GALC: variants seen among roughly 807,000 people sequenced by gnomAD.
GALC encodes the protein galactosylceramidase, also known as galactocerebrosidase.
GALC carries 77 observed loss-of-function variants against 91.8 expected under a neutral mutation model. The observed-to-expected ratio is 0.84, with a 90% CI of 0.70 to 1.01. The LOEUF (loss-of-function observed/expected upper bound fraction) is 1.01, where lower values mean the gene tolerates loss of function less well. Ranked by LOEUF, GALC falls within the 50% of genes least tolerant of loss-of-function variation. The pLI, the probability that GALC is intolerant of heterozygous loss-of-function variation, is 0.00. For missense variants in GALC, 882 were observed against 855.9 expected, an observed-to-expected ratio of 1.03 and a Z score of -0.38; for synonymous variants, 357 against 306.7, an observed-to-expected ratio of 1.16 and a Z score of -1.71.
At chr14:87,957,992 A>G (rs764929598) in intron 10 of GALC, among the ~76,000 whole-genome samples, 8 of 152,196 alleles carry the variant, frequency 5.3e-5, no homozygotes, top group Non-Finnish European at 8.8e-5. Context: ...CATCTTTCAC[A>G]GAATTAGAAA....
At chr14:87,968,543 A>ATATACTCAACAAATC in intron 7 of GALC, 53 bp from the exon 8 acceptor site, 1 of 1,525,542 alleles carries the variant, frequency 6.6e-7, no homozygotes, top group Non-Finnish European at 9.1e-7. Flanking sequence ...CGTGGCACTT[A>ATATACTCAACAAATC]TATACGTATA....
chr14:87,948,967 G>T (rs1885193333), intron 12 of GALC, among the ~76,000 whole-genome samples: 1 of 152,046 alleles, frequency 6.6e-6, no homozygotes, highest in Admixed American at 6.6e-5. Flanking sequence ...AAGCACCATG[G>T]ATGAGGCACT....
intron 16 of GALC, among the ~76,000 whole-genome samples, chr14:87,937,749 T>A (rs1431414177): frequency 6.6e-6 from 1 of 151,408 alleles, no homozygotes; most frequent in Non-Finnish European, 1.5e-5. Flanking sequence ...CTGAAAAAAA[T>A]TAAGAAAATT....
At chr14:87,952,573 T>C in intron 10 of GALC, 1 of 1,123,250 alleles carries the variant, frequency 8.9e-7, no homozygotes, top group Non-Finnish European at 1.3e-6. Flanking sequence ...ACAGTTTCTT[T>C]AATGTCCGTT....
rs1372976794 is a variant in GALC at position 87,934,140 on chromosome 14, G to T, written c.*592C>A. 3.5e-6 allele frequency: 5 copies of T among 1,425,776 alleles called. No homozygotes were observed. In the East Asian group the frequency reaches 1.0e-4, roughly 29 times the overall value. 88.3% of individuals were successfully genotyped at this position (1,425,776 alleles called of 1,614,324 possible). A position where few individuals can be genotyped will look rare whatever the true frequency, so the allele number is the denominator to read the frequency against. On this transcript the variant is annotated 3_prime_UTR_variant, in exon 17 of 17. Coordinates refer to ENST00000261304, the MANE Select transcript of GALC (RefSeq NM_000153.4). The stretch of plus-strand genomic sequence containing the variant: ...GTGTTAGAGGTAGTTTATTAAAGAG[G>T]CATTTTTAAAATCATCCCACTCATC...
chr14:87,949,868 A>G lies in GALC; in HGVS notation c.1315T>C (p.Phe439Leu), dbSNP rs1300150469. 1 of 1,591,354 alleles carries G rather than the reference A, an allele frequency of 6.3e-7. No individual in the cohort carries two copies. Among genetic ancestry groups the G allele is most frequent in the Admixed American group, 1.7e-5 (1 of 59,862 alleles). ...ACCCATAGAGAATCCAGCTGCTTAA[A>G]AAGAAATCTTTCGGATGTTTTTCCA... ...KLGKTSERFL[F>L]KQLDSLWLLD... The change falls in exon 12 of 17, where the codon TTT becomes CTT. Residue 439 changes from phenylalanine (F) to leucine (L), a missense_variant. Phe to Leu is a conservative substitution (Grantham distance 22). Transcript: ENST00000261304.
rs554816250 is a variant in GALC, at chr14:87,978,062, TTTTC to T, written c.622-1578_622-1575del. 4.2e-4 allele frequency among the ~76,000 whole-genome samples: 64 copies of T among 152,296 alleles called. 2 individuals are homozygous for T. Among genetic ancestry groups the T allele is most frequent in the African/African-American group, 1.3e-3 (55 of 41,584 alleles). ...AATTTCATCACCCTGAAGTTCTTCC[TTTTC>T]TTTGAGACGGAGTTTCGCTCTTGTT... On this transcript the variant is annotated intron_variant, in intron 6 of 16. Transcript: ENST00000261304.
At chr14:87,952,578 T>A in intron 10 of GALC, 1 of 1,173,506 alleles carries the variant, frequency 8.5e-7, no homozygotes. Context: ...TTCTTTAATG[T>A]CCGTTGCTGA....
upstream of GALC, chr14:87,993,458 A>T: frequency 6.5e-7 from 1 of 1,535,828 alleles, no homozygotes; most frequent in Non-Finnish European, 8.7e-7. Flanking sequence ...CCGCCAAAGG[A>T]AGAGGGCCAT....
intron 6 of GALC, among the ~76,000 whole-genome samples, chr14:87,980,114 G>A (rs922054187): frequency 3.3e-5 from 5 of 152,174 alleles, no homozygotes; most frequent in Admixed American, 1.3e-4. Context: ...TGGGCGCAGT[G>A]GCTCATGCCT....
At chr14:87,947,918 A>T (rs1273070124) in intron 12 of GALC, 40 bp from the exon 13 acceptor site, 3 of 1,584,444 alleles carry the variant, frequency 1.9e-6, no homozygotes, top group Non-Finnish European at 2.6e-6. Context: ...ACCAGGTACT[A>T]TAGCTCATCT....
intron 14 of GALC, among the ~76,000 whole-genome samples, chr14:87,944,891 C>T (rs1470712004): frequency 6.6e-6 from 1 of 151,788 alleles, no homozygotes; most frequent in Non-Finnish European, 1.5e-5. Context: ...TGTTTCTTTT[C>T]CCACAGTGGA....
chr14:87,953,238 C>T, intron 10 of GALC: 1 of 1,505,028 alleles, frequency 6.6e-7, no homozygotes, highest in Admixed American at 1.7e-5. Flanking sequence ...TTACCTCCAG[C>T]CAGGTTGCTT....
chr14:87,945,559 T>A lies in GALC; in HGVS notation c.1664A>T (p.Tyr555Phe). Residue 555 changes from tyrosine to phenylalanine, a missense_variant, in exon 14 of 17, where the codon TAC becomes TTC. Physicochemically the swap from Tyr to Phe is conservative, Grantham distance 22. Transcript: ENST00000261304. ...ASNTISIIGD[Y>F]NWTNLTIKCD... ...TTGAGAACATCAATCTTACCAGTTG[T>A]AGTCTCCTATAATACTGATTGTGTT... 2 of 1,594,090 alleles carry A rather than the reference T, an allele frequency of 1.3e-6. No individual in the cohort carries two copies. The highest frequency in any genetic ancestry group is 2.2e-5 in the South Asian group (2 of 90,678).
intron 10 of GALC, chr14:87,952,962 G>T: frequency 2.2e-6 from 2 of 915,520 alleles, no homozygotes; most frequent in South Asian, 2.6e-5. Context: ...AGATATCTGT[G>T]GTCAGAACTT....
chr14:87,993,401 C>T (rs747712124), upstream of GALC: 74 of 1,535,722 alleles, frequency 4.8e-5, no homozygotes, highest in Middle Eastern at 3.3e-4. Flanking sequence ...TCTCTTCCGG[C>T]GTCACCTGGT....
intron 1 of GALC, among the ~76,000 whole-genome samples, chr14:87,990,370 A>G (rs1032455641): frequency 2.0e-5 from 3 of 152,226 alleles, no homozygotes; most frequent in Non-Finnish European, 4.4e-5. Flanking sequence ...AAATTATTGT[A>G]AAGTGGGCTA....
intron 10 of GALC, chr14:87,955,057 TTGTCGG>T (rs758852882): frequency 1.9e-5 from 25 of 1,342,702 alleles, no homozygotes; most frequent in Non-Finnish European, 2.5e-5. Context: ...GTTACACTCC[TTGTCGG>T]CAGTCAGCGC....
chr14:87,978,259 C>T (rs1036161386), intron 6 of GALC, among the ~76,000 whole-genome samples: 10 of 152,176 alleles, frequency 6.6e-5, no homozygotes, highest in Admixed American at 2.0e-4. Flanking sequence ...CCATGTTGGT[C>T]AGGCTGATCT....
Sources: gnomAD v4.1 joint callset for allele counts (sites outside exome capture counted in the v4.1 genomes callset) on GRCh38, gnomAD v4.1.1 for gene constraint, MANE v1.5 for transcripts, NCBI Gene and HGNC (gene_info 2026-07-23, HGNC 2026-07-21) for gene names.